HERC3: variants seen among roughly 807,000 people sequenced by gnomAD.
HERC3 encodes the protein probable E3 ubiquitin-protein ligase HERC3.
Under a neutral mutation model 129.9 loss-of-function variants are expected in HERC3, and 58 were observed. The observed-to-expected ratio is 0.45, with a 90% CI of 0.36 to 0.56. The LOEUF is 0.56. Among genes scored for constraint, HERC3 ranks in the 20% least tolerant of loss-of-function variants. The pLI is 0.00. For missense variants in HERC3, 835 were observed against 1,244.2 expected (o/e 0.67, Z 4.95); for synonymous variants, 430 against 451.0 (o/e 0.95, Z 0.59).
At chr4:88,643,030 A>G (rs1728295211) in intron 3 of HERC3, among the ~76,000 whole-genome samples, 1 of 152,226 alleles carries the variant, frequency 6.6e-6, no homozygotes, top group African/African-American at 2.4e-5. Flanking sequence ...GAAAATTAAA[A>G]AACTATTAGT....
intron 3 of HERC3, among the ~76,000 whole-genome samples, chr4:88,618,960 C>T (rs1725220463): frequency 6.6e-6 from 1 of 151,524 alleles, no homozygotes; most frequent in African/African-American, 2.4e-5. Context: ...CCTTCTTAGA[C>T]TGACCTTGTG....
the HERC3 span, among the ~76,000 whole-genome samples, chr4:88,566,410 T>TC: frequency 0.16 from 24,726 of 152,046 alleles, 4,440 homozygotes; most frequent in African/African-American, 0.45. Context: ...TTAACTTCCT[T>TC]CCCCCCTTTG....
At chr4:88,689,569 C>T (rs185199240) in intron 23 of HERC3, among the ~76,000 whole-genome samples, 4 of 149,738 alleles carry the variant, frequency 2.7e-5, no homozygotes, top group East Asian at 2.0e-4. Context: ...CTTCTTCTTC[C>T]ATCCTTGACT....
the HERC3 span, among the ~76,000 whole-genome samples, chr4:88,569,525 G>A: frequency 6.6e-6 from 1 of 152,222 alleles, no homozygotes; most frequent in Non-Finnish European, 1.5e-5. Flanking sequence ...ATCACTGGAG[G>A]CTTCCATTCA....
chr4:88,568,594 G>A, the HERC3 span, among the ~76,000 whole-genome samples: 1 of 152,028 alleles, frequency 6.6e-6, no homozygotes, highest in African/African-American at 2.4e-5. Flanking sequence ...GCATGACACT[G>A]GGTCTCACTG....
chr4:88,554,517 T>G, the HERC3 span, among the ~76,000 whole-genome samples: 1 of 152,170 alleles, frequency 6.6e-6, no homozygotes, highest in Non-Finnish European at 1.5e-5. Flanking sequence ...CAATAATGAC[T>G]GCTATTTAGT....
chr4:88,664,150 C>T lies in HERC3; in HGVS notation c.1272-3C>T. The T allele has an allele frequency of 6.2e-7, 1 of 1,608,984 alleles. No individual in the cohort carries two copies. The highest frequency in any genetic ancestry group is 8.5e-7 in the Non-Finnish European group (1 of 1,177,394). ...TTCCCCCTCCCTTCTTTTCTTTGAGCAGTGGTGTTGTTCAGATATTATCTT... is the reference window on the plus strand; with the variant it reads ...TTCCCCCTCCCTTCTTTTCTTTGAGTAGTGGTGTTGTTCAGATATTATCTT... On this transcript the variant is annotated splice_polypyrimidine_tract_variant and splice_region_variant and intron_variant, in intron 11 of 25. Transcript: ENST00000402738.
intron 3 of HERC3, among the ~76,000 whole-genome samples, chr4:88,608,357 T>TTC (rs1723903741): frequency 6.6e-6 from 1 of 152,126 alleles, no homozygotes; most frequent in African/African-American, 2.4e-5. Context: ...GTACCCCATG[T>TTC]TCTAGTCAGG....
At position 88,707,097 on chromosome 4, in the gene HERC3, T is replaced by C; in HGVS notation, c.*137T>C. 2 of 710,910 alleles carry C rather than the reference T, an allele frequency of 2.8e-6. No homozygotes were observed. Among genetic ancestry groups the C allele is most frequent in the Non-Finnish European group, 4.7e-6 (2 of 422,150 alleles). The allele number at this position is 710,910 out of a possible 1,614,324, so 44.0% of individuals were successfully genotyped here. A position where few individuals can be genotyped will look rare whatever the true frequency, so the allele number is the denominator to read the frequency against. ...ACTTTTAAATACTGAGCCTGGTTGA[T>C]GTGTTTCTGGGATTGTATAGCAGTA... On this transcript the variant is annotated 3_prime_UTR_variant, in exon 26 of 26. Coordinates refer to ENST00000402738, the MANE Select transcript of HERC3 (RefSeq NM_014606.3).
rs547022431 is a variant in HERC3, at chr4:88,636,840, A to G, written c.227-13000A>G. On this transcript the variant is annotated intron_variant, in intron 3 of 25. Transcript: ENST00000402738. ...GAAATCAGAATTAAGAAACTCACTC[A>G]AAACCACACAACTGGCCAGGTGCGA... 3.3e-5 allele frequency among the ~76,000 whole-genome samples: 5 copies of G among 152,360 alleles called. No individual in the cohort carries two copies. The South Asian group carries it at 1.0e-3, about 32-fold the overall frequency.
chr4:88,556,747 C>T, the HERC3 span, among the ~76,000 whole-genome samples: 1 of 152,030 alleles, frequency 6.6e-6, no homozygotes, highest in Admixed American at 6.6e-5. Flanking sequence ...CATGATTCTT[C>T]GGTGGTGTCC....
chr4:88,672,335 A>G (rs1407619121), intron 16 of HERC3, among the ~76,000 whole-genome samples: 2 of 152,184 alleles, frequency 1.3e-5, no homozygotes, highest in Admixed American at 6.5e-5. Flanking sequence ...TGAATAACAG[A>G]TGCTCATCTC....
chr4:88,586,982 G>T, the HERC3 span, among the ~76,000 whole-genome samples: 1 of 152,280 alleles, frequency 6.6e-6, no homozygotes, highest in African/African-American at 2.4e-5. Flanking sequence ...GCTTTCGAGA[G>T]CCAACAGAAA....
chr4:88,575,508 C>T, the HERC3 span, among the ~76,000 whole-genome samples: 1 of 152,206 alleles, frequency 6.6e-6, no homozygotes, highest in Admixed American at 6.5e-5. Flanking sequence ...TAAGAGTCAA[C>T]TCTCTACAAC....
chr4:88,703,679 T>G (rs2149350514), intron 23 of HERC3, among the ~76,000 whole-genome samples: 1 of 142,578 alleles, frequency 7.0e-6, no homozygotes, highest in Admixed American at 6.9e-5. Flanking sequence ...AAGTATCAAG[T>G]GGTTTAGCTT....
intron 1 of HERC3, among the ~76,000 whole-genome samples, chr4:88,594,988 G>C (rs901509733): frequency 2.0e-5 from 3 of 150,938 alleles, no homozygotes; most frequent in Non-Finnish European, 4.4e-5. Context: ...TGTAATTCCA[G>C]CTACTTGGGA....
At chr4:88,575,303 T>C in the HERC3 span, among the ~76,000 whole-genome samples, 1 of 152,224 alleles carries the variant, frequency 6.6e-6, no homozygotes, top group Non-Finnish European at 1.5e-5. Context: ...AGCATGTTAA[T>C]GTGATTATGC....
chr4:88,534,483 TTG>T, the HERC3 span, among the ~76,000 whole-genome samples: 109 of 151,458 alleles, frequency 7.2e-4, no homozygotes, highest in East Asian at 5.4e-3. Context: ...TCTAACAGTT[TTG>T]TTTTTTTTTT....
intron 21 of HERC3, among the ~76,000 whole-genome samples, chr4:88,686,223 C>T (rs1202705024): frequency 6.6e-6 from 1 of 152,068 alleles, no homozygotes; most frequent in Non-Finnish European, 1.5e-5. Context: ...CTGGGGAAGC[C>T]AAAAGATTGG....
Sources: gnomAD v4.1 joint callset for allele counts (sites outside exome capture counted in the v4.1 genomes callset) on GRCh38, gnomAD v4.1.1 for gene constraint, MANE v1.5 for transcripts, NCBI Gene and HGNC (gene_info 2026-07-23, HGNC 2026-07-21) for gene names.